The following AGBL4 variants were observed in gnomAD, a reference collection of about 807,000 sequenced individuals.
AGBL4 encodes AGBL carboxypeptidase 4.
AGBL4 carries 58 observed loss-of-function variants against 66.4 expected under a neutral mutation model. The ratio of observed to expected loss-of-function variants is 0.87; its 90% confidence interval spans 0.71 to 1.09. The LOEUF (loss-of-function observed/expected upper bound fraction) is 1.09. AGBL4 is among the 50% of genes least tolerant of loss of function. The pLI, the probability that AGBL4 is intolerant of heterozygous loss-of-function variation, is 0.00. For missense variants in AGBL4, 579 were observed against 631.0 expected, an observed-to-expected ratio of 0.92 and a Z score of 0.88; for synonymous variants, 234 against 222.9, an observed-to-expected ratio of 1.05 and a Z score of -0.44.
intron 5 of AGBL4, among the ~76,000 whole-genome samples, chr1:48,943,384 G>A (rs1656179433): frequency 6.6e-6 from 1 of 152,194 alleles, no homozygotes. Context: ...ATGAGACACT[G>A]AGCTTCTCAG....
chr1:49,626,369 A>G (rs934561149), intron 3 of AGBL4, among the ~76,000 whole-genome samples: 9 of 152,094 alleles, frequency 5.9e-5, no homozygotes, highest in African/African-American at 2.2e-4. Context: ...CCCCTCATGA[A>G]ATGCTTTTTT....
chr1:48,766,095 C>T (rs1293449588), intron 6 of AGBL4, among the ~76,000 whole-genome samples: 1 of 152,060 alleles, frequency 6.6e-6, no homozygotes, highest in Non-Finnish European at 1.5e-5. Context: ...TGAAATATAC[C>T]TCAATAAAAA....
chr1:49,976,364 T>C (rs1050955004), intron 1 of AGBL4, among the ~76,000 whole-genome samples: 1 of 152,136 alleles, frequency 6.6e-6, no homozygotes, highest in East Asian at 1.9e-4. Context: ...CCCATGCACT[T>C]TGGGGGTTAA....
chr1:48,867,063 TG>T, intron 6 of AGBL4, 127 bp downstream of exon 6: 1 of 1,046,276 alleles, frequency 9.6e-7, no homozygotes, highest in South Asian at 1.4e-5. Context: ...GAATCATTCA[TG>T]GTGCAAGAGT....
intron 5 of AGBL4, among the ~76,000 whole-genome samples, chr1:48,888,021 C>A (rs1028893241): frequency 2.0e-5 from 3 of 152,038 alleles, no homozygotes; most frequent in Non-Finnish European, 4.4e-5. Flanking sequence ...CAAAAGCAAC[C>A]CTTGCAGTTT....
chr1:49,245,360 G>A (rs1296604559), intron 4 of AGBL4, among the ~76,000 whole-genome samples: 2 of 149,004 alleles, frequency 1.3e-5, no homozygotes, highest in Non-Finnish European at 3.0e-5. Context: ...GTCCTCCTAA[G>A]TTACTAAACA....
chr1:49,621,159 T>C (rs925005840), intron 3 of AGBL4, among the ~76,000 whole-genome samples: 1 of 152,206 alleles, frequency 6.6e-6, no homozygotes, highest in African/African-American at 2.4e-5. Flanking sequence ...CGTAAAGAAA[T>C]AGTACTTGAA....
intron 4 of AGBL4, among the ~76,000 whole-genome samples, chr1:49,176,993 G>T (rs1254356389): frequency 6.6e-6 from 1 of 152,098 alleles, no homozygotes; most frequent in Non-Finnish European, 1.5e-5. Context: ...GGCCAGAAAA[G>T]AGTAACCGGT....
chr1:49,815,872 C>T (rs1490184666), intron 2 of AGBL4, among the ~76,000 whole-genome samples: 1 of 151,908 alleles, frequency 6.6e-6, no homozygotes, highest in African/African-American at 2.4e-5. Flanking sequence ...GGTAGGGAAA[C>T]ACTCACCTAA....
chr1:48,837,316 C>T (rs888638569), intron 6 of AGBL4, among the ~76,000 whole-genome samples: 2 of 151,872 alleles, frequency 1.3e-5, no homozygotes, highest in Non-Finnish European at 2.9e-5. Flanking sequence ...ATGGTTAATA[C>T]TGAGTGTCAA....
At chr1:49,565,573 G>A (rs991822877) in intron 3 of AGBL4, among the ~76,000 whole-genome samples, 1 of 152,272 alleles carries the variant, frequency 6.6e-6, no homozygotes, top group African/African-American at 2.4e-5. Flanking sequence ...AGCTTAGTTT[G>A]GCTGGATATG....
At chr1:49,620,848 T>C (rs768111638) in intron 3 of AGBL4, among the ~76,000 whole-genome samples, 11 of 152,148 alleles carry the variant, frequency 7.2e-5, no homozygotes, top group Non-Finnish European at 1.3e-4. Context: ...TTTACTTTTA[T>C]GTAACCAAAT....
intron 3 of AGBL4, among the ~76,000 whole-genome samples, chr1:49,614,715 A>T (rs1001713015): frequency 3.3e-5 from 5 of 152,194 alleles, no homozygotes; most frequent in African/African-American, 1.2e-4. Flanking sequence ...ATTCAGTTTA[A>T]GATTGGTTAT....
intron 6 of AGBL4, among the ~76,000 whole-genome samples, chr1:48,731,955 A>G (rs534686087): frequency 6.6e-6 from 1 of 152,258 alleles, no homozygotes; most frequent in Non-Finnish European, 1.5e-5. Context: ...TGCCAGAGTA[A>G]TGGAGGGGAG....
intron 3 of AGBL4, among the ~76,000 whole-genome samples, chr1:49,604,601 T>C (rs1273994768): frequency 6.6e-6 from 1 of 152,122 alleles, no homozygotes; most frequent in African/African-American, 2.4e-5. Flanking sequence ...TTTGTTCTGT[T>C]TTTGTCGCAT....
chr1:49,234,845 C>T (rs1650594161), intron 4 of AGBL4, among the ~76,000 whole-genome samples: 1 of 152,100 alleles, frequency 6.6e-6, no homozygotes, highest in Non-Finnish European at 1.5e-5. Flanking sequence ...AACAGCATAG[C>T]TAAGGGTCAT....
intron 9 of AGBL4, 128 bp from the exon 10 acceptor site, chr1:48,591,113 CAT>C: frequency 2.4e-6 from 2 of 826,626 alleles, no homozygotes; most frequent in Non-Finnish European, 3.6e-6. Flanking sequence ...CACACACACA[CAT>C]CAAGCTGACC....
At chr1:49,730,695 C>T (rs952527387) in intron 2 of AGBL4, among the ~76,000 whole-genome samples, 1 of 152,118 alleles carries the variant, frequency 6.6e-6, no homozygotes, top group African/African-American at 2.4e-5. Context: ...AGCACAGAGC[C>T]ACAGCAGGCT....
intron 3 of AGBL4, among the ~76,000 whole-genome samples, chr1:49,509,503 C>T (rs767374881): frequency 9.9e-5 from 15 of 151,730 alleles, no homozygotes; most frequent in Non-Finnish European, 1.9e-4. Context: ...TTCCAAAGAC[C>T]ACTCTTTATA....
Sources: allele counts gnomAD v4.1 joint callset (sites outside exome capture counted in the v4.1 genomes callset), GRCh38; gene constraint gnomAD v4.1.1; transcripts MANE v1.5; gene names NCBI Gene and HGNC (gene_info 2026-07-23, HGNC 2026-07-21).